The following ME1 variants were observed in gnomAD, a reference collection of about 807,000 sequenced individuals.
ME1 encodes NADP-dependent malic enzyme.
ME1 carries 74 observed loss-of-function variants against 66.4 expected under a neutral mutation model. That is an observed-to-expected ratio of 1.11 (90% CI 0.92 to 1.35). The LOEUF is 1.35. Ranked by LOEUF, ME1 falls within the 40% of genes most tolerant of loss-of-function variation. The pLI is 0.00. For synonymous variants in ME1, 251 were observed against 235.6 expected, an observed-to-expected ratio of 1.07 and a Z score of -0.60; for missense variants, 750 against 694.1, an observed-to-expected ratio of 1.08 and a Z score of -0.90.
At chr6:83,294,539 C>T (rs1379681088) in intron 6 of ME1, among the ~76,000 whole-genome samples, 2 of 152,276 alleles carry the variant, frequency 1.3e-5, no homozygotes, top group East Asian at 3.9e-4. Flanking sequence ...TGCAGCCACC[C>T]AACCCCCTGG....
chr6:83,248,504 G>A (rs1401273956), intron 7 of ME1, among the ~76,000 whole-genome samples: 1 of 152,138 alleles, frequency 6.6e-6, no homozygotes, highest in Non-Finnish European at 1.5e-5. Flanking sequence ...GTTTAGCTCT[G>A]TGTCCCCACC....
chr6:83,324,123 AGTTCTTT>A (rs1354884428), intron 5 of ME1, among the ~76,000 whole-genome samples: 1 of 151,978 alleles, frequency 6.6e-6, no homozygotes, highest in Non-Finnish European at 1.5e-5. Context: ...GAAATAAATA[AGTTCTTT>A]GAAACCAATG....
Position 83,215,344 on chromosome 6 carries a change from C to G in ME1, c.1548+1154G>C, listed in dbSNP as rs1171998548. Among the ~76,000 whole-genome samples the G allele has an allele frequency of 3.3e-5, 5 of 152,242 alleles. No homozygotes were observed. The East Asian group carries it at 9.7e-4, about 29-fold the overall frequency. ...GCAGATGCTACTGACATCTAGTGGG[C>G]AGAGGCCAGGAATGCTGCTGAAGAT... On this transcript the variant is annotated intron_variant, in intron 13 of 13. Transcript: ENST00000369705.
chr6:83,246,233 A>G (rs1790619955), intron 7 of ME1, among the ~76,000 whole-genome samples: 1 of 152,124 alleles, frequency 6.6e-6, no homozygotes, highest in Non-Finnish European at 1.5e-5. Context: ...GGTATTTTTG[A>G]TATTATGGCT....
chr6:83,328,232 C>T (rs563738853), intron 5 of ME1, among the ~76,000 whole-genome samples: 9 of 152,144 alleles, frequency 5.9e-5, no homozygotes, highest in African/African-American at 1.4e-4. Flanking sequence ...AACCAAACAC[C>T]GCATGTTCTC....
At chr6:83,339,991 A>G (rs6934858) in intron 5 of ME1, among the ~76,000 whole-genome samples, 45,035 of 147,000 alleles carry the variant, frequency 0.31, 7,436 homozygotes, top group Middle Eastern at 0.48. Flanking sequence ...AGAAAAGAAA[A>G]GAAATGTGAA....
chr6:83,316,693 C>T lies in ME1; in HGVS notation c.601-1280G>A, dbSNP rs543741039. Among the ~76,000 whole-genome samples, 5 of 150,406 alleles carry T rather than the reference C, an allele frequency of 3.3e-5. No individual in the cohort carries two copies. In the South Asian group the frequency reaches 1.1e-3, roughly 32 times the overall value. On this transcript the variant is annotated intron_variant, in intron 5 of 13. Transcript: ENST00000369705. ...ACTAAGAAATCTACCAAAAAAAATC[C>T]CAGTAGAAAAAAATACATGAATTTA...
chr6:83,300,230 A>G (rs1004005468), intron 6 of ME1, among the ~76,000 whole-genome samples: 1 of 152,118 alleles, frequency 6.6e-6, no homozygotes, highest in Non-Finnish European at 1.5e-5. Context: ...TACACCATAT[A>G]CAACAATCAT....
chr6:83,377,797 A>T (rs933430909), intron 3 of ME1, among the ~76,000 whole-genome samples: 4 of 152,172 alleles, frequency 2.6e-5, no homozygotes, highest in Admixed American at 1.3e-4. Context: ...AAGTATTTTT[A>T]AAAAACAAAG....
At chr6:83,268,160 C>CCACATAAAA (rs1429450099) in intron 6 of ME1, among the ~76,000 whole-genome samples, 1 of 152,116 alleles carries the variant, frequency 6.6e-6, no homozygotes, top group African/African-American at 2.4e-5. Flanking sequence ...ATGATCTACT[C>CCACATAAAA]ATCTCTTTTC....
chr6:83,220,840 A>G (rs1377541237), intron 12 of ME1, among the ~76,000 whole-genome samples: 1 of 152,156 alleles, frequency 6.6e-6, no homozygotes, highest in African/African-American at 2.4e-5. Context: ...TAAAAGAAGT[A>G]TATGGAAGAC....
intron 6 of ME1, among the ~76,000 whole-genome samples, chr6:83,304,599 A>G (rs759838913): frequency 3.0e-4 from 45 of 152,320 alleles, no homozygotes; most frequent in Middle Eastern, 3.4e-3. Flanking sequence ...GGATATGAAA[A>G]AAGTGGGTCA....
At chr6:83,340,199 A>G (rs1213276672) in intron 5 of ME1, among the ~76,000 whole-genome samples, 1 of 152,156 alleles carries the variant, frequency 6.6e-6, no homozygotes, top group African/African-American at 2.4e-5. Context: ...AGTAATAGAT[A>G]AACATATTAC....
chr6:83,222,789 G>GA (rs1304083674), intron 12 of ME1, among the ~76,000 whole-genome samples: 1 of 152,118 alleles, frequency 6.6e-6, no homozygotes, highest in Non-Finnish European at 1.5e-5. Context: ...CAATATCTAT[G>GA]AAATTGTGGC....
chr6:83,391,950 C>A (rs996540910), intron 3 of ME1, among the ~76,000 whole-genome samples: 1 of 152,226 alleles, frequency 6.6e-6, no homozygotes, highest in African/African-American at 2.4e-5. Context: ...TTCCTGTTCT[C>A]TTTCTCCATA....
At chr6:83,280,351 G>A (rs776693939) in intron 6 of ME1, among the ~76,000 whole-genome samples, 1 of 152,062 alleles carries the variant, frequency 6.6e-6, no homozygotes, top group African/African-American at 2.4e-5. Context: ...GGGAAGAACT[G>A]GAAATACTCT....
At chr6:83,408,919 C>A (rs978261984) in intron 1 of ME1, among the ~76,000 whole-genome samples, 105 of 152,180 alleles carry the variant, frequency 6.9e-4, no homozygotes, top group African/African-American at 2.5e-3. Flanking sequence ...ACATTTGAGT[C>A]CCCCAAAATT....
intron 3 of ME1, among the ~76,000 whole-genome samples, chr6:83,391,692 C>CTACTCT (rs1234373027): frequency 3.9e-5 from 6 of 152,178 alleles, no homozygotes; most frequent in Non-Finnish European, 8.8e-5. Flanking sequence ...GTGAACTCAT[C>CTACTCT]CCCTACTCTC....
intron 3 of ME1, among the ~76,000 whole-genome samples, chr6:83,355,592 A>C (rs892178271): frequency 6.6e-6 from 1 of 152,130 alleles, no homozygotes; most frequent in Admixed American, 6.6e-5. Flanking sequence ...TCAACAAATA[A>C]AGGACCGGTA....
Sources: gnomAD v4.1 joint callset for allele counts (sites outside exome capture counted in the v4.1 genomes callset) on GRCh38, gnomAD v4.1.1 for gene constraint, MANE v1.5 for transcripts, NCBI Gene and HGNC (gene_info 2026-07-23, HGNC 2026-07-21) for gene names.